The following SLC45A4 variants were observed in gnomAD, a reference collection of about 807,000 sequenced individuals.
SLC45A4 encodes the protein solute carrier family 45 member 4, also known as polyamine-transporter SLC45A4.
A neutral mutation model predicts 63.7 loss-of-function variants in SLC45A4; 32 were observed. That is an observed-to-expected ratio of 0.50 (90% CI 0.38 to 0.67). SLC45A4 has a LOEUF of 0.67. Among genes scored for constraint, SLC45A4 ranks in the 30% least tolerant of loss-of-function variants. SLC45A4 has a pLI of 0.00. For missense variants in SLC45A4, 1,027 were observed against 1,157.7 expected (o/e 0.89, Z 1.64); for synonymous variants, 535 against 510.0 (o/e 1.05, Z -0.66).
At chr8:141,266,238 C>T (rs1829259565) in intron 1 of SLC45A4, among the ~76,000 whole-genome samples, 1 of 152,212 alleles carries the variant, frequency 6.6e-6, no homozygotes, top group South Asian at 2.1e-4. Flanking sequence ...ACAGCCCCTA[C>T]ACACGAAGCG....
At chr8:141,267,082 G>A (rs538161771) in intron 1 of SLC45A4, among the ~76,000 whole-genome samples, 1 of 152,234 alleles carries the variant, frequency 6.6e-6, no homozygotes, top group African/African-American at 2.4e-5. Context: ...GGCAGGACGG[G>A]GCAGGTGACC....
chr8:141,237,642 C>T (rs78622464), intron 2 of SLC45A4, among the ~76,000 whole-genome samples: 16,180 of 152,124 alleles, frequency 0.11, 891 homozygotes, highest in South Asian at 0.15. Flanking sequence ...CCCAAAGCCA[C>T]ACGGTGTCCC....
chr8:141,268,124 C>T (rs567403795), intron 1 of SLC45A4, among the ~76,000 whole-genome samples: 2 of 152,300 alleles, frequency 1.3e-5, no homozygotes, highest in South Asian at 2.1e-4. Context: ...TGTCATTCAC[C>T]GCTAAACGGA....
chr8:141,288,979 C>T (rs554937068), intron 1 of SLC45A4, among the ~76,000 whole-genome samples: 93 of 144,778 alleles, frequency 6.4e-4, no homozygotes, highest in Non-Finnish European at 1.3e-3. Context: ...AATCCTTCGG[C>T]GTGGGTGGGA....
chr8:141,264,653 C>A (rs576764652), intron 1 of SLC45A4, among the ~76,000 whole-genome samples: 5 of 152,200 alleles, frequency 3.3e-5, no homozygotes, highest in African/African-American at 1.2e-4. Flanking sequence ...GCTGCTGAGT[C>A]GTTCTCTCCA....
chr8:141,242,979 C>A (rs1390559217), intron 2 of SLC45A4, among the ~76,000 whole-genome samples: 1 of 152,232 alleles, frequency 6.6e-6, no homozygotes. Context: ...AGGGCGAGGA[C>A]CCATCTACCG....
chr8:141,209,896 C>T lies in SLC45A4; in HGVS notation c.*1676G>A, dbSNP rs556662528. 11 of 152,436 alleles carry T rather than the reference C, an allele frequency of 7.2e-5. No individual in the cohort carries two copies. The highest frequency in any genetic ancestry group is 2.6e-4 in the African/African-American group (11 of 41,592). The allele number at this position is 152,436 out of a possible 1,614,324, so 9.4% of individuals were successfully genotyped here. ...CCAGGCCCTGAGACTTCTGCACTCC[C>T]AGCTGGCGAGGAATCGGCTTTGGTG... On this transcript the variant is annotated 3_prime_UTR_variant, in exon 9 of 9. Transcript: ENST00000517878.
intron 2 of SLC45A4, 69 bp downstream of exon 2, chr8:141,253,920 T>C: frequency 2.0e-6 from 3 of 1,515,818 alleles, no homozygotes; most frequent in Non-Finnish European, 1.8e-6. Flanking sequence ...CTCCAGAGGA[T>C]CAGAGCCACG....
At chr8:141,284,642 C>T (rs1830074159) in intron 1 of SLC45A4, among the ~76,000 whole-genome samples, 1 of 152,168 alleles carries the variant, frequency 6.6e-6, no homozygotes, top group Admixed American at 6.5e-5. Context: ...ATCACTAGAT[C>T]CAAAATATTT....
chr8:141,246,362 T>TG (rs1204176157), intron 2 of SLC45A4, among the ~76,000 whole-genome samples: 1 of 152,066 alleles, frequency 6.6e-6, no homozygotes, highest in Non-Finnish European at 1.5e-5. Flanking sequence ...CTCTGCGGGG[T>TG]GGCTCTGGTT....
chr8:141,287,003 A>G (rs1395113234), intron 1 of SLC45A4, among the ~76,000 whole-genome samples: 1 of 152,100 alleles, frequency 6.6e-6, no homozygotes, highest in Non-Finnish European at 1.5e-5. Flanking sequence ...TCCTAAGACT[A>G]TCAGAAAACA....
chr8:141,244,951 C>T (rs539837513), intron 2 of SLC45A4, among the ~76,000 whole-genome samples: 69 of 5,126 alleles, frequency 0.013, no homozygotes, highest in East Asian at 0.076. Flanking sequence ...AGCAAGAAGA[C>T]GTGGGTGGGG....
In SLC45A4 at chr8:141,238,027, A is replaced by G. The variant is rs150989377; in HGVS notation, c.241+15962T>C. ...TCCTTGCACAAGAAGTTTCTCAACTATTTTGGTCAAGATCTCCTGAATGCT... is the reference window on the plus strand; with the variant it reads ...TCCTTGCACAAGAAGTTTCTCAACTGTTTTGGTCAAGATCTCCTGAATGCT... On this transcript the variant is annotated intron_variant, in intron 2 of 8. Transcript: ENST00000517878. 2.0e-5 allele frequency among the ~76,000 whole-genome samples: 3 copies of G among 152,358 alleles called. No homozygotes were observed. In the East Asian group the frequency reaches 5.8e-4, roughly 29 times the overall value.
In SLC45A4 at chr8:141,215,119, A is replaced by G. The variant is rs1826061785; in HGVS notation, c.1941+640T>C. Among the ~76,000 whole-genome samples the G allele has an allele frequency of 1.3e-5, 2 of 152,232 alleles. No individual in the cohort carries two copies. The highest frequency in any genetic ancestry group is 2.9e-5 in the Non-Finnish European group (2 of 68,042). ...TGAGTGAATCCTAGAGGATGAAGCCAGATGTTTCAGCTGCATAAAGTCCAG... is the reference window on the plus strand; with the variant it reads ...TGAGTGAATCCTAGAGGATGAAGCCGGATGTTTCAGCTGCATAAAGTCCAG... On this transcript the variant is annotated intron_variant, in intron 7 of 8. Transcript: ENST00000517878. The surrounding 1 kb of genome is among the most constrained non-coding windows in gnomAD (Gnocchi z 4.3).
chr8:141,219,029 C>T lies in SLC45A4; in HGVS notation c.611G>A (p.Gly204Asp). 2 of 1,606,256 alleles carry T rather than the reference C, an allele frequency of 1.2e-6. No homozygotes were observed. The highest frequency in any genetic ancestry group is 2.2e-5 in the East Asian group (1 of 44,724). Residue 204 changes from glycine to aspartate, a missense_variant and splice_region_variant, in exon 5 of 9, where the codon GGC becomes GAC. By Grantham distance (94) the Gly-to-Asp change is moderately conservative. Coordinates refer to ENST00000517878, the MANE Select transcript of SLC45A4 (RefSeq NM_001286646.2). ...CACGTAGCCGATGGCTCCGCCGAGGCCTGCGTGGGAGGAAGCAGCAGCCGG... is the reference window on the plus strand; with the variant it reads ...CACGTAGCCGATGGCTCCGCCGAGGTCTGCGTGGGAGGAAGCAGCAGCCGG... ...MALNIHAFSA[G>D]LGGAIGYVLG...
chr8:141,268,486 C>T (rs1489470329), intron 1 of SLC45A4, among the ~76,000 whole-genome samples: 7 of 152,146 alleles, frequency 4.6e-5, no homozygotes, highest in South Asian at 2.1e-4. Flanking sequence ...GCTCATCCAC[C>T]GTAATCAATG....
intron 1 of SLC45A4, among the ~76,000 whole-genome samples, chr8:141,264,524 C>A (rs1436429787): frequency 6.6e-6 from 1 of 152,092 alleles, no homozygotes; most frequent in Non-Finnish European, 1.5e-5. Context: ...ATGTTTATTG[C>A]CAAGAACTTT....
intron 1 of SLC45A4, among the ~76,000 whole-genome samples, chr8:141,290,530 C>T (rs1379700101): frequency 6.6e-6 from 1 of 152,228 alleles, no homozygotes; most frequent in Non-Finnish European, 1.5e-5. Flanking sequence ...CATGCCACCA[C>T]CATGGCAGCG....
At chr8:141,255,815 CG>C (rs772059525) in intron 1 of SLC45A4, among the ~76,000 whole-genome samples, 103 of 152,172 alleles carry the variant, frequency 6.8e-4, no homozygotes, top group Non-Finnish European at 1.1e-3. Flanking sequence ...ATTCTCTGTC[CG>C]GGGGGAGTTC....
Sources: allele counts gnomAD v4.1 joint callset (sites outside exome capture counted in the v4.1 genomes callset), GRCh38; gene constraint gnomAD v4.1.1; non-coding constraint Gnocchi (gnomAD v3.1); transcripts MANE v1.5; gene names NCBI Gene and HGNC (gene_info 2026-07-23, HGNC 2026-07-21).